TMEM62: variants seen among roughly 807,000 people sequenced by gnomAD.
TMEM62 encodes the protein transmembrane protein 62.
Under a neutral mutation model 70.4 loss-of-function variants are expected in TMEM62, and 41 were observed. The observed-to-expected ratio is 0.58, with a 90% CI of 0.45 to 0.76. TMEM62 has a LOEUF of 0.76. Among genes scored for constraint, TMEM62 ranks in the 30% least tolerant of loss-of-function variants. The pLI, the probability that TMEM62 is intolerant of heterozygous loss-of-function variation, is 0.00. For missense variants in TMEM62, 688 were observed against 788.5 expected, an observed-to-expected ratio of 0.87 and a Z score of 1.53; for synonymous variants, 268 against 291.0, an observed-to-expected ratio of 0.92 and a Z score of 0.80.
intron 9 of TMEM62, among the ~76,000 whole-genome samples, chr15:43,156,302 G>A (rs2038039646): frequency 6.6e-6 from 1 of 152,148 alleles, no homozygotes; most frequent in Non-Finnish European, 1.5e-5. Context: ...TTTGTTGGGG[G>A]TAGTTTTACC....
intron 7 of TMEM62, among the ~76,000 whole-genome samples, chr15:43,151,144 G>A (rs1017877903): frequency 2.0e-5 from 3 of 152,004 alleles, no homozygotes; most frequent in Admixed American, 6.6e-5. Flanking sequence ...TCAGGAGTTC[G>A]AGACCAGCCT....
rs560467773 is a variant in TMEM62, at chr15:43,167,243, C to T, written c.1297-2350C>T. Among the ~76,000 whole-genome samples the T allele has an allele frequency of 2.6e-5, 4 of 151,548 alleles. No individual in the cohort carries two copies. In the South Asian group the frequency reaches 6.3e-4, roughly 24 times the overall value. ...CCCCCCACCTCCCTCCCGGATGGGG[C>T]GGCTGGCCGAGCGGGGGGCTGACCC... On this transcript the variant is annotated intron_variant, in intron 10 of 13. Coordinates refer to ENST00000260403, the MANE Select transcript of TMEM62 (RefSeq NM_024956.4).
chr15:43,155,852 T>G (rs1206972399), intron 9 of TMEM62, among the ~76,000 whole-genome samples: 1 of 152,196 alleles, frequency 6.6e-6, no homozygotes, highest in East Asian at 1.9e-4. Flanking sequence ...GAAGCACTTT[T>G]TTGTTAGAGG....
At chr15:43,146,867 T>G (rs2036735900) in intron 5 of TMEM62, among the ~76,000 whole-genome samples, 1 of 152,212 alleles carries the variant, frequency 6.6e-6, no homozygotes, top group African/African-American at 2.4e-5. Flanking sequence ...GGAGTAAACA[T>G]TTATTAAATA....
At chr15:43,133,125 CAGGG>C (rs897339862), upstream of TMEM62, 2 of 152,080 alleles carry the variant, frequency 1.3e-5, no homozygotes, top group Non-Finnish European at 2.9e-5. Flanking sequence ...TACTTAAGGT[CAGGG>C]AGGTCGAGGC....
intron 3 of TMEM62, among the ~76,000 whole-genome samples, chr15:43,136,034 C>A (rs1246349520): frequency 1.3e-5 from 2 of 152,170 alleles, no homozygotes; most frequent in African/African-American, 4.8e-5. Context: ...CCCCTGCCCC[C>A]ATCCCCCAGT....
chr15:43,134,147 T>C, intron 1 of TMEM62, 110 bp from the exon 2 acceptor site: 3 of 1,443,472 alleles, frequency 2.1e-6, no homozygotes, highest in South Asian at 1.3e-5. Flanking sequence ...GGGTTCGTTA[T>C]GCATTGCCTC....
At chr15:43,167,011 C>G (rs1407311052) in intron 10 of TMEM62, among the ~76,000 whole-genome samples, 2 of 152,194 alleles carry the variant, frequency 1.3e-5, no homozygotes, top group Non-Finnish European at 2.9e-5. Context: ...TCCACAAAAC[C>G]GCCATTGTCA....
At chr15:43,137,180 G>C (rs1041640190) in intron 3 of TMEM62, among the ~76,000 whole-genome samples, 1 of 152,240 alleles carries the variant, frequency 6.6e-6, no homozygotes, top group Non-Finnish European at 1.5e-5. Context: ...CCTGATGGTA[G>C]TGTATTTGTT....
chr15:43,172,214 A>T (rs1056004698), intron 11 of TMEM62, among the ~76,000 whole-genome samples: 1 of 152,212 alleles, frequency 6.6e-6, no homozygotes, highest in African/African-American at 2.4e-5. Context: ...TTTCATGAGT[A>T]TCTATTACTT....
At chr15:43,146,953 T>C (rs756953802) in intron 5 of TMEM62, among the ~76,000 whole-genome samples, 1 of 152,180 alleles carries the variant, frequency 6.6e-6, no homozygotes, top group Non-Finnish European at 1.5e-5. Flanking sequence ...GTTCCCACAA[T>C]TGCCAGTTCT....
chr15:43,150,872 AG>A (rs1222447993), intron 7 of TMEM62, among the ~76,000 whole-genome samples: 1 of 152,252 alleles, frequency 6.6e-6, no homozygotes, highest in Non-Finnish European at 1.5e-5. Context: ...TGGGAAATTC[AG>A]GGGAATGTGT....
intron 10 of TMEM62, among the ~76,000 whole-genome samples, chr15:43,165,457 G>T (rs754715233): frequency 3.9e-5 from 6 of 152,018 alleles, no homozygotes; most frequent in Non-Finnish European, 7.4e-5. Context: ...TAGGAGGCTG[G>T]GTGCGGTGGC....
At chr15:43,140,485 C>A (rs938869631) in intron 4 of TMEM62, among the ~76,000 whole-genome samples, 1 of 151,744 alleles carries the variant, frequency 6.6e-6, no homozygotes, top group Non-Finnish European at 1.5e-5. Flanking sequence ...GGGTAATCAT[C>A]CTGATCTGAA....
chr15:43,145,061 G>A lies in TMEM62; in HGVS notation c.477-1432G>A, dbSNP rs182366142. On this transcript the variant is annotated intron_variant, in intron 4 of 13. Coordinates refer to ENST00000260403, the MANE Select transcript of TMEM62 (RefSeq NM_024956.4). Reference sequence around the variant, plus strand: ...AGAGCTTGCAGTGAGCCAAGATCGCGTCACTGCACTCCAGCCTGGGCGACA... The same window carrying A: ...AGAGCTTGCAGTGAGCCAAGATCGCATCACTGCACTCCAGCCTGGGCGACA... 1.7e-4 allele frequency among the ~76,000 whole-genome samples: 22 copies of A among 132,036 alleles called. No individual in the cohort carries two copies. In the East Asian group the frequency reaches 3.3e-3, roughly 20 times the overall value. The allele number at this position is 132,036 out of a possible 152,430, so 86.6% of individuals were successfully genotyped here.
At chr15:43,154,856 A>G (rs757590233) in intron 9 of TMEM62, 25 bp downstream of exon 9, 28 of 1,548,714 alleles carry the variant, frequency 1.8e-5, no homozygotes, top group Non-Finnish European at 2.4e-5. Flanking sequence ...TATATTTACT[A>G]TGTAAATGAT....
chr15:43,165,246 C>CT (rs140517897), intron 10 of TMEM62, among the ~76,000 whole-genome samples: 105 of 148,226 alleles, frequency 7.1e-4, no homozygotes, highest in African/African-American at 2.5e-3. Context: ...GTGCTTCATT[C>CT]TTTTTTTTTT....
chr15:43,177,646 A>G (rs2040893820), intron 11 of TMEM62, among the ~76,000 whole-genome samples: 2 of 152,160 alleles, frequency 1.3e-5, no homozygotes, highest in African/African-American at 4.8e-5. Flanking sequence ...TGTGGCACAT[A>G]TACACCATGG....
At chr15:43,141,788 A>G (rs2036052519) in intron 4 of TMEM62, among the ~76,000 whole-genome samples, 1 of 152,226 alleles carries the variant, frequency 6.6e-6, no homozygotes, top group Non-Finnish European at 1.5e-5. Flanking sequence ...AACAACATGA[A>G]CAGGAGGGAA....
Sources: allele counts gnomAD v4.1 joint callset (sites outside exome capture counted in the v4.1 genomes callset), GRCh38; gene constraint gnomAD v4.1.1; transcripts MANE v1.5; gene names NCBI Gene and HGNC (gene_info 2026-07-23, HGNC 2026-07-21).